The following VIPR1 variants were observed in gnomAD, a reference collection of about 807,000 sequenced individuals.
VIPR1 encodes vasoactive intestinal polypeptide receptor 1.
In VIPR1, 59 loss-of-function variants were observed where a neutral mutation model predicts 58.8. The observed-to-expected ratio is 1.00, with a 90% CI of 0.81 to 1.25. The LOEUF is 1.25. VIPR1 is among the 50% of genes most tolerant of loss of function. VIPR1 has a pLI of 0.00. For synonymous variants in VIPR1, 251 were observed against 242.1 expected, an observed-to-expected ratio of 1.04 and a Z score of -0.34; for missense variants, 626 against 602.7, an observed-to-expected ratio of 1.04 and a Z score of -0.40.
rs570280264 is a variant in VIPR1 at position 42,505,704 on chromosome 3, C to A, written c.78+2891C>A. On this transcript the variant is annotated intron_variant, in intron 1 of 12. Transcript: ENST00000325123. ...CCTTCTCTGAGGTTTGTGGGACATC[C>A]TTGGGGAGCCCAGGCTGGAAACAGG... Among the ~76,000 whole-genome samples the A allele has an allele frequency of 5.3e-5, 8 of 152,356 alleles. No individual in the cohort carries two copies. The South Asian group carries it at 1.7e-3, about 32-fold the overall frequency.
At chr3:42,510,813 C>T (rs565417090) in intron 1 of VIPR1, among the ~76,000 whole-genome samples, 1 of 152,280 alleles carries the variant, frequency 6.6e-6, no homozygotes, top group South Asian at 2.1e-4. Context: ...TCCAAACTGC[C>T]TCTAAGGAAG....
intron 1 of VIPR1, among the ~76,000 whole-genome samples, chr3:42,506,250 G>A (rs1214642846): frequency 6.6e-6 from 1 of 152,176 alleles, no homozygotes; most frequent in Non-Finnish European, 1.5e-5. Flanking sequence ...CAGCCTCAGT[G>A]GAAATCCAAC....
chr3:42,536,062 T>G, intron 12 of VIPR1, 28 bp from the exon 13 acceptor site: 2 of 1,565,744 alleles, frequency 1.3e-6, no homozygotes, highest in Non-Finnish European at 1.7e-6. Context: ...TCCACAGCAG[T>G]GGGCCTGACC....
intron 3 of VIPR1, among the ~76,000 whole-genome samples, chr3:42,525,668 T>C (rs553582066): frequency 2.0e-5 from 3 of 152,224 alleles, no homozygotes; most frequent in Non-Finnish European, 4.4e-5. Context: ...CAAGAATGTC[T>C]GCTCTGATTC....
intron 2 of VIPR1, chr3:42,516,666 A>G (rs1700643461): frequency 6.6e-6 from 1 of 152,212 alleles, no homozygotes; most frequent in Non-Finnish European, 1.5e-5. Flanking sequence ...GGCCTACAAA[A>G]CAGGGCGTGC....
chr3:42,525,136 C>A (rs1225259020), intron 3 of VIPR1, among the ~76,000 whole-genome samples: 1 of 152,052 alleles, frequency 6.6e-6, no homozygotes, highest in Non-Finnish European at 1.5e-5. Flanking sequence ...CTCTCCCTCT[C>A]TGGGGAGAGG....
At chr3:42,498,171 A>G (rs1699802847), upstream of VIPR1, among the ~76,000 whole-genome samples, 1 of 152,162 alleles carries the variant, frequency 6.6e-6, no homozygotes. Flanking sequence ...CACCTCTAGA[A>G]AGAGCTTGCC....
intron 2 of VIPR1, chr3:42,516,837 C>A (rs1406343096): frequency 6.6e-6 from 1 of 152,242 alleles, no homozygotes; most frequent in Non-Finnish European, 1.5e-5. Context: ...ATTTCCTCAT[C>A]TGTGAAATGG....
intron 1 of VIPR1, among the ~76,000 whole-genome samples, chr3:42,491,178 GTC>G (rs1699658115): frequency 6.6e-6 from 1 of 152,212 alleles, no homozygotes; most frequent in African/African-American, 2.4e-5. Flanking sequence ...ATTGAGGGGA[GTC>G]TCTGTATGAA....
rs117345675 is a variant in VIPR1, at chr3:42,507,045, T to C, written c.78+4232T>C. On this transcript the variant is annotated intron_variant, in intron 1 of 12. Transcript: ENST00000325123. ...TTGGGCTGAAGTATTTTAAAGTAAATTATAAACCTCCTGACCTTTTACCCC... is the reference window on the plus strand; with the variant it reads ...TTGGGCTGAAGTATTTTAAAGTAAACTATAAACCTCCTGACCTTTTACCCC... The C allele has an allele frequency of 2.0e-5, 3 of 152,306 alleles. No individual in the cohort carries two copies. In the East Asian group the frequency reaches 5.8e-4, roughly 29 times the overall value. The allele number at this position is 152,306 out of a possible 1,614,324, so 9.4% of individuals were successfully genotyped here.
At position 42,531,492 on chromosome 3, in the gene VIPR1, T is replaced by C; in HGVS notation, c.812T>C (p.Met271Thr). ...ACAGGGGTACCCAGCACATTCACCA[T>C]GGTGTGGACCATCGCCAGGATCCAT... ...IGWGVPSTFT[M>T]VWTIARIHFE... The change falls in exon 8 of 13, where the codon ATG becomes ACG. Residue 271 changes from methionine (M) to threonine (T), a missense_variant. Transcript: ENST00000325123. 6.3e-7 allele frequency: 1 copy of C among 1,590,984 alleles called. No homozygotes were observed. The highest frequency in any genetic ancestry group is 8.6e-7 in the Non-Finnish European group (1 of 1,167,740).
At position 42,537,284 on chromosome 3, in the gene VIPR1, A is replaced by T. The variant is rs1434445400; in HGVS notation, c.*1003A>T. The T allele has an allele frequency of 1.3e-5, 2 of 152,210 alleles. No individual in the cohort carries two copies. The highest frequency in any genetic ancestry group is 2.9e-5 in the Non-Finnish European group (2 of 68,030). 9.4% of individuals were successfully genotyped at this position (152,210 alleles called of 1,614,324 possible). A position where few individuals can be genotyped will look rare whatever the true frequency, so the allele number is the denominator to read the frequency against. The stretch of plus-strand genomic sequence containing the variant: ...TAGGAATGTGAAAGCACGGACTCTT[A>T]CTGCTAACTTTTGTGTATCGTAACC... On this transcript the variant is annotated 3_prime_UTR_variant, in exon 13 of 13. Coordinates refer to ENST00000325123, the MANE Select transcript of VIPR1 (RefSeq NM_004624.4).
intron 5 of VIPR1, 108 bp downstream of exon 5, chr3:42,527,604 C>T (rs1701302685): frequency 9.7e-7 from 1 of 1,029,144 alleles, no homozygotes; most frequent in East Asian, 2.5e-5. Flanking sequence ...ACTGTTGCCC[C>T]CCAGCAGCAC....
intron 1 of VIPR1, chr3:42,506,498 C>G (rs1293042527): frequency 1.6e-4 from 24 of 152,214 alleles, no homozygotes; most frequent in Admixed American, 1.6e-3. Flanking sequence ...AGTATGTACT[C>G]TCTCACATAA....
intron 1 of VIPR1, chr3:42,513,068 G>A: frequency 2.8e-6 from 2 of 715,678 alleles, no homozygotes; most frequent in Non-Finnish European, 3.4e-6. Flanking sequence ...AGAAGCAGGG[G>A]AGGCCTGGTG....
chr3:42,525,973 A>T lies in VIPR1; in HGVS notation c.379A>T (p.Lys127Ter), dbSNP rs199524750. 6.2e-7 allele frequency: 1 copy of T among 1,613,098 alleles called. No individual in the cohort carries two copies. The highest frequency in any genetic ancestry group is 2.2e-5 in the East Asian group (1 of 44,848). Residue 127 changes from lysine to a stop codon, truncating the protein, a stop_gained, in exon 4 of 13, where the codon AAG becomes TAG. Coordinates refer to ENST00000325123, the MANE Select transcript of VIPR1 (RefSeq NM_004624.4). LOFTEE classifies it high-confidence loss of function. Reference protein sequence around the residue: ...PYPIACGLDDKAASLDEQQTM... With the variant: ...PYPIACGLDD Reference sequence around the variant, plus strand: ...CCCCATTGCCTGTGGTTTGGATGACAAGGCAGCGAGTTTGGATGAGGTGGG... The same window carrying T: ...CCCCATTGCCTGTGGTTTGGATGACTAGGCAGCGAGTTTGGATGAGGTGGG...
chr3:42,509,984 C>T (rs1156392076), intron 1 of VIPR1, among the ~76,000 whole-genome samples: 1 of 152,212 alleles, frequency 6.6e-6, no homozygotes, highest in African/African-American at 2.4e-5. Context: ...TGTGTATCCC[C>T]CATCCTCAGT....
intron 1 of VIPR1, among the ~76,000 whole-genome samples, chr3:42,497,463 C>T (rs749165674): frequency 4.6e-5 from 7 of 152,040 alleles, no homozygotes; most frequent in Non-Finnish European, 1.0e-4. Context: ...CACACACACA[C>T]GCACACACAC....
In VIPR1 at chr3:42,519,245, C is replaced by T; in HGVS notation, c.207C>T (p.Asn69=). 2 of 1,610,372 alleles carry T rather than the reference C, an allele frequency of 1.2e-6. No individual in the cohort carries two copies. The highest frequency in any genetic ancestry group is 1.7e-6 in the Non-Finnish European group (2 of 1,178,372). ...ETIGCSKMWD[N]LTCWPATPRG... ...TAGGCTGCAGCAAGATGTGGGACAA[C>T]CTCACCTGCTGGCCAGCCACCCCTC... is the stretch of plus-strand genomic sequence containing the variant. Residue 69 remains asparagine, a synonymous_variant, in exon 3 of 13, where the codon AAC becomes AAT. Transcript: ENST00000325123.
Sources: allele counts gnomAD v4.1 joint callset (sites outside exome capture counted in the v4.1 genomes callset), GRCh38; gene constraint gnomAD v4.1.1; transcripts MANE v1.5; gene names NCBI Gene and HGNC (gene_info 2026-07-23, HGNC 2026-07-21).